NEK1: variants seen among roughly 807,000 people sequenced by gnomAD.
NEK1 encodes the protein NIMA related kinase 1, also known as serine/threonine-protein kinase Nek1.
A neutral mutation model predicts 182.1 loss-of-function variants in NEK1; 137 were observed. The ratio of observed to expected loss-of-function variants is 0.75; its 90% CI spans 0.65 to 0.87. The LOEUF (loss-of-function observed/expected upper bound fraction) is 0.87, where lower values mean the gene tolerates loss of function less well. Ranked by LOEUF, NEK1 falls within the 40% of genes least tolerant of loss-of-function variation. The pLI, the probability that NEK1 is intolerant of heterozygous loss-of-function variation, is 0.00. For missense variants in NEK1, 1,391 were observed against 1,494.4 expected (o/e 0.93, Z 1.14); for synonymous variants, 513 against 492.2 (o/e 1.04, Z -0.56).
intron 5 of NEK1, among the ~76,000 whole-genome samples, chr4:169,598,309 C>A (rs1014118404): frequency 6.6e-6 from 1 of 152,072 alleles, no homozygotes; most frequent in African/African-American, 2.4e-5. Context: ...ACAGTGCTCC[C>A]TCTACTCCCC....
chr4:169,549,158 A>G (rs930184579), intron 18 of NEK1, among the ~76,000 whole-genome samples: 6 of 152,174 alleles, frequency 3.9e-5, no homozygotes, highest in African/African-American at 1.2e-4. Flanking sequence ...AAAGCACAGT[A>G]TCTGGGCCAG....
intron 31 of NEK1, among the ~76,000 whole-genome samples, chr4:169,409,706 T>G (rs1052008056): frequency 9.2e-5 from 14 of 151,706 alleles, no homozygotes; most frequent in Non-Finnish European, 2.1e-4. Context: ...AGGCGGAGGT[T>G]GTAGTGAGCC....
intron 31 of NEK1, among the ~76,000 whole-genome samples, chr4:169,410,995 T>C (rs1419884801): frequency 6.6e-6 from 1 of 152,212 alleles, no homozygotes; most frequent in Non-Finnish European, 1.5e-5. Context: ...CCACAGAGTG[T>C]GTGCGTGCGT....
At position 169,463,340 on chromosome 4, in the gene NEK1, G is replaced by A. The variant is rs756980354; in HGVS notation, c.2490C>T (p.Ala830=). The change falls in exon 27 of 36, where the codon GCC becomes GCT. Residue 830 remains alanine, a synonymous_variant. Coordinates refer to ENST00000507142, the MANE Select transcript of NEK1 (RefSeq NM_001199397.3). ...CAGAATCTGTCGGACTTTTCCCCCA[G>A]GCTCTTCTTGGAGATCCATTAGGAC... The part of the protein sequence containing the change: ...KLGPNGSPRR[A]WGKSPTDSVL... 4.3e-6 allele frequency: 7 copies of A among 1,610,216 alleles called. No homozygotes were observed. The highest frequency in any genetic ancestry group is 5.9e-6 in the Non-Finnish European group (7 of 1,177,664).
intron 19 of NEK1, among the ~76,000 whole-genome samples, chr4:169,513,942 A>G (rs924939715): frequency 6.0e-5 from 9 of 150,684 alleles, no homozygotes; most frequent in African/African-American, 1.7e-4. Context: ...GATATAATTT[A>G]CTAAAATTTT....
chr4:169,474,094 A>G (rs896392210), intron 26 of NEK1, among the ~76,000 whole-genome samples: 2 of 152,190 alleles, frequency 1.3e-5, no homozygotes, highest in South Asian at 2.1e-4. Flanking sequence ...AAAGAGAAGC[A>G]GCCACATTAA....
intron 19 of NEK1, among the ~76,000 whole-genome samples, chr4:169,515,290 A>G (rs1005299449): frequency 6.6e-6 from 1 of 152,182 alleles, no homozygotes; most frequent in Non-Finnish European, 1.5e-5. Flanking sequence ...AGTGCAAATT[A>G]GATCCTGGTG....
intron 5 of NEK1, among the ~76,000 whole-genome samples, chr4:169,592,021 TAA>T (rs566771547): frequency 1.7e-4 from 26 of 151,834 alleles, no homozygotes; most frequent in African/African-American, 6.3e-4. Flanking sequence ...TACAAAGTAC[TAA>T]ACTCCCTCAC....
intron 31 of NEK1, among the ~76,000 whole-genome samples, chr4:169,419,579 C>T (rs952045675): frequency 6.6e-5 from 10 of 152,014 alleles, no homozygotes; most frequent in African/African-American, 1.7e-4. Flanking sequence ...AAAAAATACC[C>T]GACAACAATA....
intron 26 of NEK1, among the ~76,000 whole-genome samples, chr4:169,472,282 CT>C (rs1042938204): frequency 2.8e-4 from 42 of 152,298 alleles, no homozygotes; most frequent in African/African-American, 9.4e-4. Context: ...CCAAGGGAAT[CT>C]TTTGGTCTGT....
At chr4:169,546,793 G>C (rs1369530324) in intron 18 of NEK1, among the ~76,000 whole-genome samples, 22 of 152,134 alleles carry the variant, frequency 1.4e-4, no homozygotes, top group Admixed American at 1.4e-3. Context: ...GACTAGGATT[G>C]CAACCCCTGC....
chr4:169,543,842 G>A (rs1013991414), intron 18 of NEK1, among the ~76,000 whole-genome samples: 2 of 152,200 alleles, frequency 1.3e-5, no homozygotes, highest in African/African-American at 4.8e-5. Flanking sequence ...TGTATGCTGA[G>A]ACTTTGTTGA....
At chr4:169,546,849 A>G (rs1197706123) in intron 18 of NEK1, among the ~76,000 whole-genome samples, 1 of 151,894 alleles carries the variant, frequency 6.6e-6, no homozygotes, top group South Asian at 2.1e-4. Flanking sequence ...CCATCCCTTT[A>G]TTTTGAGCCT....
chr4:169,471,652 T>C (rs1333515018), intron 26 of NEK1, among the ~76,000 whole-genome samples: 10 of 152,178 alleles, frequency 6.6e-5, no homozygotes, highest in African/African-American at 2.4e-4. Context: ...TCTTGAGCGC[T>C]GTGGTGAGAG....
Position 169,507,090 on chromosome 4 carries a change from C to T in NEK1, c.1954G>A (p.Glu652Lys), listed in dbSNP as rs749171729. The stretch of plus-strand genomic sequence containing the variant: ...TCATAAGCCTCCTTTCTCTTTCGTT[C>T]TAGTTGTTCTTTTAGTACAGCAGCA... ...ARAAVLKEQL[E>K]RKRKEAYERE... The change falls in exon 23 of 36, where the codon GAA becomes AAA. Residue 652 changes from glutamate to lysine, a missense_variant. Around this residue, in one of 5 missense-constraint regions of NEK1, gnomAD observed 1,216 missense variants for 1,277.6 expected, o/e 0.95. Coordinates refer to ENST00000507142, the MANE Select transcript of NEK1 (RefSeq NM_001199397.3). 6.2e-7 allele frequency: 1 copy of T among 1,607,298 alleles called. No individual in the cohort carries two copies. Among genetic ancestry groups the T allele is most frequent in the South Asian group, 1.1e-5 (1 of 90,150 alleles).
Position 169,576,994 on chromosome 4 carries a change from A to G in NEK1, c.954T>C (p.Pro318=). Residue 318 remains proline, a synonymous_variant, in exon 12 of 36, where the codon CCT becomes CCC. Transcript: ENST00000507142. The part of the protein sequence containing the change: ...ITKPAAKYGI[P]LAYKKYGDKK... ...TATCTCCATATTTCTTATATGCTAA[A>G]GGTATTCCATATTTAGCGGCAGGCT... The G allele has an allele frequency of 6.2e-7, 1 of 1,613,358 alleles. No individual in the cohort carries two copies. Among genetic ancestry groups the G allele is most frequent in the Non-Finnish European group, 8.5e-7 (1 of 1,179,538 alleles).
At chr4:169,454,576 A>T (rs1742478620) in intron 27 of NEK1, among the ~76,000 whole-genome samples, 1 of 152,224 alleles carries the variant, frequency 6.6e-6, no homozygotes. Flanking sequence ...ACATATGAAA[A>T]AATGCTCATC....
intron 5 of NEK1, 79 bp from the exon 6 acceptor site, chr4:169,590,888 T>G: frequency 1.1e-6 from 1 of 897,976 alleles, no homozygotes; most frequent in Non-Finnish European, 1.7e-6. Flanking sequence ...TGAGAGGAAC[T>G]AAATCCTTAA....
At chr4:169,468,013 T>C (rs940921303) in intron 26 of NEK1, among the ~76,000 whole-genome samples, 1 of 152,080 alleles carries the variant, frequency 6.6e-6, no homozygotes, top group South Asian at 2.1e-4. Flanking sequence ...GATAAAGATA[T>C]ACCAGGTTAA....
Sources: gnomAD v4.1 joint callset for allele counts (sites outside exome capture counted in the v4.1 genomes callset) on GRCh38, gnomAD v4.1.1 for gene constraint, gnomAD v4.1.1 regional missense constraint, MANE v1.5 for transcripts, NCBI Gene and HGNC (gene_info 2026-07-23, HGNC 2026-07-21) for gene names.